Variants in RNF217 observed in about 807,000 individuals in gnomAD.
The protein encoded by RNF217 is E3 ubiquitin-protein ligase RNF217.
A neutral mutation model predicts 57.8 loss-of-function variants in RNF217; 31 were observed. That is an observed-to-expected ratio of 0.54 (90% confidence interval 0.40 to 0.72). RNF217 has a LOEUF of 0.72. Among genes scored for constraint, RNF217 ranks in the 30% least tolerant of loss-of-function variants. RNF217 has a pLI of 0.00. For synonymous variants in RNF217, 313 were observed against 294.0 expected, an observed-to-expected ratio of 1.06 and a Z score of -0.66; for missense variants, 696 against 708.3, an observed-to-expected ratio of 0.98 and a Z score of 0.20.
At chr6:125,039,759 C>T (rs1786799976) in intron 1 of RNF217, among the ~76,000 whole-genome samples, 1 of 152,174 alleles carries the variant, frequency 6.6e-6, no homozygotes, top group Non-Finnish European at 1.5e-5. Context: ...TCTCAGACTA[C>T]AGTGCAATCA....
chr6:125,003,134 A>G (rs1785051708), intron 1 of RNF217, among the ~76,000 whole-genome samples: 1 of 152,092 alleles, frequency 6.6e-6, no homozygotes, highest in African/African-American at 2.4e-5. Flanking sequence ...ACACATACCT[A>G]TTCACCTTCA....
At chr6:125,046,764 G>A in intron 2 of RNF217, 1 of 440,464 alleles carries the variant, frequency 2.3e-6, no homozygotes, top group Non-Finnish European at 4.5e-6. Context: ...CTCTGCTGTT[G>A]CAGTTATAAG....
At chr6:125,012,136 A>G (rs1252690921) in intron 1 of RNF217, among the ~76,000 whole-genome samples, 1 of 152,190 alleles carries the variant, frequency 6.6e-6, no homozygotes, top group African/African-American at 2.4e-5. Flanking sequence ...AAACAATAAG[A>G]AACTACCAAG....
At chr6:125,058,567 T>G (rs1370978680) in intron 3 of RNF217, among the ~76,000 whole-genome samples, 2 of 152,200 alleles carry the variant, frequency 1.3e-5, no homozygotes, top group Non-Finnish European at 2.9e-5. Flanking sequence ...TTGTTTTGCT[T>G]TTTTGCAAAT....
rs1333585673 is a variant in RNF217, at chr6:125,083,765, G to A, written c.*828G>A. 6.6e-6 allele frequency: 1 copy of A among 151,882 alleles called. No homozygotes were observed. The highest frequency in any genetic ancestry group is 2.4e-5 in the African/African-American group (1 of 41,382). 9.4% of individuals were successfully genotyped at this position (151,882 alleles called of 1,614,324 possible). On this transcript the variant is annotated 3_prime_UTR_variant, in exon 6 of 6. Transcript: ENST00000521654. ...TTTCTATTTCTTGCTCTTTCTTTTT[G>A]TCACACAAACACAGAAATTTGTGCA... is the stretch of plus-strand genomic sequence containing the variant.
chr6:125,040,745 T>C (rs1039483322), intron 1 of RNF217, among the ~76,000 whole-genome samples: 2 of 152,134 alleles, frequency 1.3e-5, no homozygotes, highest in African/African-American at 4.8e-5. Context: ...TCCACCACGA[T>C]CAAGTCGGCT....
At chr6:125,051,638 A>C (rs911605536) in intron 2 of RNF217, among the ~76,000 whole-genome samples, 1 of 152,068 alleles carries the variant, frequency 6.6e-6, no homozygotes, top group Non-Finnish European at 1.5e-5. Context: ...CAGATTTGAA[A>C]TAATTCATTG....
intron 1 of RNF217, among the ~76,000 whole-genome samples, chr6:125,011,622 C>A (rs1334360207): frequency 6.6e-6 from 1 of 151,636 alleles, no homozygotes; most frequent in Non-Finnish European, 1.5e-5. Context: ...AGTGTAGATA[C>A]ATTTTTAATT....
intron 1 of RNF217, among the ~76,000 whole-genome samples, chr6:125,026,033 A>G (rs1786068411): frequency 6.6e-6 from 1 of 152,186 alleles, no homozygotes; most frequent in Non-Finnish European, 1.5e-5. Flanking sequence ...CAGTGATGAT[A>G]GCCCATATGA....
At chr6:125,052,251 C>T (rs1787344867) in intron 2 of RNF217, among the ~76,000 whole-genome samples, 2 of 148,994 alleles carry the variant, frequency 1.3e-5, no homozygotes, top group Non-Finnish European at 3.0e-5. Flanking sequence ...AAATAAGCAC[C>T]ATATCTCAAT....
chr6:125,064,370 C>A (rs1042409500), intron 3 of RNF217, among the ~76,000 whole-genome samples: 21 of 152,118 alleles, frequency 1.4e-4, no homozygotes, highest in African/African-American at 4.8e-4. Context: ...ACGGCACATA[C>A]TTTGGAGGAT....
At chr6:125,007,218 G>A (rs1340176138) in intron 1 of RNF217, among the ~76,000 whole-genome samples, 1 of 149,534 alleles carries the variant, frequency 6.7e-6, no homozygotes, top group East Asian at 2.0e-4. Flanking sequence ...CTTGCCTAAT[G>A]GTTTCTATTC....
Position 125,045,276 on chromosome 6 carries a change from A to C in RNF217, c.948A>C (p.Thr316=), listed in dbSNP as rs752592128. 5.0e-6 allele frequency: 8 copies of C among 1,613,322 alleles called. No homozygotes were observed. The East Asian group carries it at 1.8e-4, about 36-fold the overall frequency. Residue 316 remains threonine, a synonymous_variant, in exon 2 of 6, where the codon ACA becomes ACC. Transcript: ENST00000521654. ...AGTGTTTTGAATTCTTGGAAGAAAC[A>C]ACTGTTGTCTATAACTTAACGCATG... ...ITECFEFLEE[T]TVVYNLTHED... is the part of the protein sequence containing the mutation.
At chr6:125,021,624 A>C (rs771547283) in intron 1 of RNF217, among the ~76,000 whole-genome samples, 1 of 152,170 alleles carries the variant, frequency 6.6e-6, no homozygotes, top group Non-Finnish European at 1.5e-5. Flanking sequence ...TTCAGAGTAC[A>C]TGTAGAATAA....
intron 1 of RNF217, among the ~76,000 whole-genome samples, chr6:125,019,516 C>T (rs1420649266): frequency 6.6e-6 from 1 of 152,164 alleles, no homozygotes; most frequent in East Asian, 1.9e-4. Flanking sequence ...ATGACTATTA[C>T]ATTCCTAAAC....
intron 1 of RNF217, among the ~76,000 whole-genome samples, chr6:124,974,577 T>C (rs895918478): frequency 6.6e-6 from 1 of 152,232 alleles, no homozygotes; most frequent in Admixed American, 6.5e-5. Flanking sequence ...TTATTCTGTA[T>C]AGCATAATTT....
intron 1 of RNF217, among the ~76,000 whole-genome samples, chr6:124,990,912 A>G (rs1001716513): frequency 3.9e-5 from 6 of 152,302 alleles, no homozygotes; most frequent in African/African-American, 1.4e-4. Context: ...AAAAATAAAA[A>G]TAAATAATTA....
chr6:124,984,698 G>C (rs933701466), intron 1 of RNF217, among the ~76,000 whole-genome samples: 1 of 152,038 alleles, frequency 6.6e-6, no homozygotes, highest in Non-Finnish European at 1.5e-5. Flanking sequence ...TAAAGACCTA[G>C]ATGTGTAATC....
chr6:125,060,356 T>C (rs998860684), intron 3 of RNF217, among the ~76,000 whole-genome samples: 166 of 150,238 alleles, frequency 1.1e-3, no homozygotes, highest in African/African-American at 3.8e-3. Flanking sequence ...TATATGTGTA[T>C]ACACACACAC....
Sources: allele counts gnomAD v4.1 joint callset (sites outside exome capture counted in the v4.1 genomes callset), GRCh38; gene constraint gnomAD v4.1.1; transcripts MANE v1.5; gene names NCBI Gene and HGNC (gene_info 2026-07-23, HGNC 2026-07-21).